The following ATP2B2 variants were observed in gnomAD, a reference collection of about 807,000 sequenced individuals.
ATP2B2 encodes plasma membrane calcium-transporting ATPase 2.
Under a neutral mutation model 120.0 loss-of-function variants are expected in ATP2B2, and 15 were observed. That is an observed-to-expected ratio of 0.12 (90% confidence interval 0.08 to 0.19). The LOEUF is 0.19. Ranked by LOEUF, ATP2B2 falls within the 10% of genes least tolerant of loss-of-function variation. The pLI, the probability that ATP2B2 is intolerant of heterozygous loss-of-function variation, is 1.00. For missense variants in ATP2B2, 1,045 were observed against 1,719.8 expected, an observed-to-expected ratio of 0.61 and a Z score of 6.94; for synonymous variants, 694 against 700.3, an observed-to-expected ratio of 0.99 and a Z score of 0.14.
chr3:10,437,890 A>G (rs1035606434), intron 2 of ATP2B2, among the ~76,000 whole-genome samples: 6 of 152,354 alleles, frequency 3.9e-5, no homozygotes, highest in African/African-American at 1.4e-4. Context: ...GGGCAGAGAG[A>G]CAGATATGCA....
At chr3:10,481,503 T>TC (rs2065411151) in intron 1 of ATP2B2, among the ~76,000 whole-genome samples, 1 of 152,096 alleles carries the variant, frequency 6.6e-6, no homozygotes, top group African/African-American at 2.4e-5. Flanking sequence ...ATAAGATGCC[T>TC]TGTCATCACG....
chr3:10,695,513 G>GCT (rs141832820), intron 1 of ATP2B2, among the ~76,000 whole-genome samples: 1,626 of 151,904 alleles, frequency 0.011, 21 homozygotes, highest in South Asian at 0.047. Context: ...CATGCTGCTT[G>GCT]CTCTCTCTCT....
intron 12 of ATP2B2, among the ~76,000 whole-genome samples, chr3:10,371,466 T>A (rs1473264022): frequency 2.0e-5 from 3 of 152,122 alleles, no homozygotes; most frequent in Non-Finnish European, 4.4e-5. Context: ...GGACTTTGAG[T>A]GAAATACACA....
intron 1 of ATP2B2, among the ~76,000 whole-genome samples, chr3:10,463,899 C>A (rs1165566570): frequency 6.6e-6 from 1 of 152,230 alleles, no homozygotes; most frequent in Non-Finnish European, 1.5e-5. Context: ...TGGGCCCAGT[C>A]CCAGGGACCA....
chr3:10,393,503 G>A (rs890484695), intron 5 of ATP2B2, among the ~76,000 whole-genome samples: 7 of 152,224 alleles, frequency 4.6e-5, no homozygotes, highest in Non-Finnish European at 5.9e-5. Flanking sequence ...TCAGCTCAGG[G>A]GGTCACCTCT....
chr3:10,501,257 C>A (rs1227691332), intron 1 of ATP2B2, among the ~76,000 whole-genome samples: 1 of 152,208 alleles, frequency 6.6e-6, no homozygotes, highest in Non-Finnish European at 1.5e-5. Flanking sequence ...CCCGCTTCCC[C>A]CTGCCTCCCG....
intron 1 of ATP2B2, among the ~76,000 whole-genome samples, chr3:10,480,057 T>A: frequency 6.6e-6 from 1 of 152,266 alleles, no homozygotes; most frequent in South Asian, 2.1e-4. Context: ...GATTGTGCCA[T>A]TGCACTCCAG....
chr3:10,576,027 C>T (rs2068237986), intron 2 of ATP2B2, among the ~76,000 whole-genome samples: 2 of 152,234 alleles, frequency 1.3e-5, no homozygotes, highest in South Asian at 4.1e-4. Context: ...CACAATGACC[C>T]TGTACCGCAA....
At chr3:10,701,024 T>C (rs997951299) in intron 1 of ATP2B2, among the ~76,000 whole-genome samples, 1 of 152,228 alleles carries the variant, frequency 6.6e-6, no homozygotes, top group African/African-American at 2.4e-5. Flanking sequence ...CAATTTATCA[T>C]GTGGCTAGAG....
chr3:10,362,874 A>G (rs2060942100), intron 12 of ATP2B2, among the ~76,000 whole-genome samples: 2 of 152,182 alleles, frequency 1.3e-5, no homozygotes, highest in African/African-American at 4.8e-5. Flanking sequence ...ATACATATAT[A>G]TATATATCTC....
At chr3:10,572,727 A>T (rs1480097533) in intron 2 of ATP2B2, among the ~76,000 whole-genome samples, 1 of 152,206 alleles carries the variant, frequency 6.6e-6, no homozygotes, top group African/African-American at 2.4e-5. Flanking sequence ...GCTCATTCAT[A>T]TTAATGGGTT....
chr3:10,531,831 T>A (rs895789397), intron 3 of ATP2B2, among the ~76,000 whole-genome samples: 1 of 152,158 alleles, frequency 6.6e-6, no homozygotes, highest in East Asian at 1.9e-4. Flanking sequence ...ATTATTAACA[T>A]TGGTGTGACT....
At chr3:10,400,100 G>T (rs1376223481) in intron 5 of ATP2B2, among the ~76,000 whole-genome samples, 2 of 152,216 alleles carry the variant, frequency 1.3e-5, no homozygotes, top group African/African-American at 4.8e-5. Flanking sequence ...CCTTTTGGGC[G>T]TCCCTGTGAA....
intron 2 of ATP2B2, among the ~76,000 whole-genome samples, chr3:10,615,221 GT>G: frequency 6.6e-6 from 1 of 152,288 alleles, no homozygotes; most frequent in South Asian, 2.1e-4. Context: ...GCAGATCTGT[GT>G]TTTCAAAGGA....
At chr3:10,627,180 A>C (rs1448395938) in intron 1 of ATP2B2, among the ~76,000 whole-genome samples, 2 of 152,190 alleles carry the variant, frequency 1.3e-5, no homozygotes, top group Non-Finnish European at 2.9e-5. Context: ...GCAGGTTCTG[A>C]ATCTGTCAGA....
chr3:10,592,868 G>C (rs762285709), intron 2 of ATP2B2, among the ~76,000 whole-genome samples: 1 of 152,206 alleles, frequency 6.6e-6, no homozygotes, highest in South Asian at 2.1e-4. Context: ...CTGCAGCCTC[G>C]ACCTCCTGGG....
At chr3:10,362,135 G>A (rs990067363) in intron 12 of ATP2B2, among the ~76,000 whole-genome samples, 3 of 152,208 alleles carry the variant, frequency 2.0e-5, no homozygotes, top group African/African-American at 4.8e-5. Flanking sequence ...TTCTGAAGAC[G>A]AAATAGCTAT....
chr3:10,385,117 C>A, intron 8 of ATP2B2, 151 bp downstream of exon 8: 1 of 792,454 alleles, frequency 1.3e-6, no homozygotes, highest in Non-Finnish European at 2.1e-6. Flanking sequence ...CTGTCTTAAG[C>A]GCCTGCCCCA....
intron 5 of ATP2B2, among the ~76,000 whole-genome samples, chr3:10,399,164 C>T (rs1023270565): frequency 3.9e-5 from 6 of 152,214 alleles, no homozygotes; most frequent in African/African-American, 1.4e-4. Flanking sequence ...ATCCAGAGGA[C>T]ATACCTGGCC....
Sources: gnomAD v4.1 joint callset for allele counts (sites outside exome capture counted in the v4.1 genomes callset) on GRCh38, gnomAD v4.1.1 for gene constraint, MANE v1.5 for transcripts, NCBI Gene and HGNC (gene_info 2026-07-23, HGNC 2026-07-21) for gene names.